Variants in RNF214 observed in about 807,000 individuals in gnomAD.
The protein encoded by RNF214 is ring finger protein 214.
A neutral mutation model predicts 75.9 loss-of-function variants in RNF214; 25 were observed. The ratio of observed to expected loss-of-function variants is 0.33; its 90% CI spans 0.24 to 0.46. RNF214 has a LOEUF of 0.46. RNF214 is among the 20% of genes least tolerant of loss of function. The pLI, the probability that RNF214 is intolerant of heterozygous loss-of-function variation, is 1.00. For missense variants in RNF214, 725 were observed against 857.5 expected, an observed-to-expected ratio of 0.85 and a Z score of 1.93; for synonymous variants, 314 against 308.8, an observed-to-expected ratio of 1.02 and a Z score of -0.18.
Position 117,238,636 on chromosome 11 carries a change from C to A in RNF214, c.143C>A (p.Pro48His). The stretch of plus-strand genomic sequence containing the variant: ...TCTGCACAGAAGCAGAAGAACTCGC[C>A]TCTGTTGAGTGTAAGTAGCCAAACA... ...KDSAQKQKNS[P>H]LLSVSSQTIT... Residue 48 changes from proline to histidine, a missense_variant, in exon 3 of 15, where the codon CCT becomes CAT. Around this residue, in one of 2 missense-constraint regions of RNF214, gnomAD observed 362 missense variants for 344.5 expected, o/e 1.05. Transcript: ENST00000300650. The A allele has an allele frequency of 6.2e-7, 1 of 1,614,018 alleles. No homozygotes were observed.
rs779301617 is a variant in RNF214 at position 117,283,243 on chromosome 11, C to T, written c.2046+33C>T. 3 of 1,371,954 alleles carry T rather than the reference C, an allele frequency of 2.2e-6. No individual in the cohort carries two copies. In the Admixed American group the frequency reaches 5.8e-5, roughly 26 times the overall value. 85.0% of individuals were successfully genotyped at this position (1,371,954 alleles called of 1,614,324 possible). ...TTACAGACCTTCCTCATTTTCTACA[C>T]TTTTTCTTCTGACAGCTAAAATAAT... is the stretch of plus-strand genomic sequence containing the variant. On this transcript the variant is annotated intron_variant, in intron 14 of 14. Coordinates refer to ENST00000300650, the MANE Select transcript of RNF214 (RefSeq NM_207343.4).
chr11:117,264,803 A>G (rs35155942), intron 6 of RNF214, among the ~76,000 whole-genome samples: 3 of 151,804 alleles, frequency 2.0e-5, no homozygotes, highest in Non-Finnish European at 4.4e-5. Flanking sequence ...GTGATTCATG[A>G]CTGTAATCTC....
At chr11:117,262,707 T>TTTTGTGTG (rs113477136) in intron 6 of RNF214, among the ~76,000 whole-genome samples, 7 of 147,762 alleles carry the variant, frequency 4.7e-5, no homozygotes, top group Admixed American at 1.4e-4. Flanking sequence ...TTGAGGAACG[T>TTTTGTGTG]TGTGTGTGTG....
intron 6 of RNF214, among the ~76,000 whole-genome samples, chr11:117,263,099 G>A (rs1296162308): frequency 1.3e-5 from 2 of 149,838 alleles, no homozygotes; most frequent in African/African-American, 2.5e-5. Flanking sequence ...GAGCCACTAC[G>A]CCCAGCCACT....
chr11:117,281,252 T>C (rs1426133752), intron 8 of RNF214, 62 bp from the exon 9 acceptor site: 1 of 1,164,584 alleles, frequency 8.6e-7, no homozygotes, highest in African/African-American at 1.5e-5. Flanking sequence ...ATTACAGGCG[T>C]GAGTCACTGT....
At chr11:117,261,409 A>G (rs887740915) in intron 6 of RNF214, among the ~76,000 whole-genome samples, 9 of 151,974 alleles carry the variant, frequency 5.9e-5, no homozygotes, top group East Asian at 1.9e-4. Context: ...GTGAAATCCC[A>G]TCTCTACCAA....
chr11:117,246,373 A>G (rs1487757016), intron 5 of RNF214, among the ~76,000 whole-genome samples: 1 of 152,218 alleles, frequency 6.6e-6, no homozygotes, highest in African/African-American at 2.4e-5. Context: ...GTTAAAGAGT[A>G]AAACAAACAA....
intron 6 of RNF214, among the ~76,000 whole-genome samples, chr11:117,270,873 G>A (rs1359003215): frequency 6.6e-6 from 1 of 152,066 alleles, no homozygotes; most frequent in African/African-American, 2.4e-5. Flanking sequence ...TTACAGGTGT[G>A]AGCCACCACA....
In RNF214 at chr11:117,281,115, T is replaced by C. The variant is rs576844332; in HGVS notation, c.1146-199T>C. Among the ~76,000 whole-genome samples the C allele has an allele frequency of 9.5e-4, 143 of 150,792 alleles. 1 individual carries two copies. The highest frequency in any genetic ancestry group is 3.2e-3 in the African/African-American group (133 of 41,098). The stretch of plus-strand genomic sequence containing the variant: ...TCAGCCTGCCAAGTAGCTGGGACTA[T>C]AGGCGTGAGCCACCACACCTGGCTA... On this transcript the variant is annotated intron_variant, in intron 8 of 14. Coordinates refer to ENST00000300650, the MANE Select transcript of RNF214 (RefSeq NM_207343.4).
chr11:117,252,442 G>A (rs2033418727), intron 6 of RNF214, among the ~76,000 whole-genome samples: 1 of 152,174 alleles, frequency 6.6e-6, no homozygotes, highest in South Asian at 2.1e-4. Flanking sequence ...TTGATAAGAT[G>A]TCTTATCTGT....
intron 2 of RNF214, among the ~76,000 whole-genome samples, chr11:117,235,922 C>G (rs2032894903): frequency 6.6e-6 from 1 of 151,872 alleles, no homozygotes; most frequent in African/African-American, 2.4e-5. Flanking sequence ...TGAATGTGGA[C>G]CACATTCTAC....
rs985654205 is a variant in RNF214 at position 117,239,312 on chromosome 11, C to T, written c.618+201C>T. 66 of 588,792 alleles carry T rather than the reference C, an allele frequency of 1.1e-4. 1 individual carries two copies. The East Asian group carries it at 1.7e-3, about 15-fold the overall frequency. The allele number at this position is 588,792 out of a possible 1,614,324, so 36.5% of individuals were successfully genotyped here. On this transcript the variant is annotated intron_variant, in intron 3 of 14. Transcript: ENST00000300650. ...TTCAGTAAATAAGAAAGCCAGTAGC[C>T]ATTGTCTAATCTTATGGCAAGTAGG...
intron 6 of RNF214, among the ~76,000 whole-genome samples, chr11:117,279,323 CTTTT>C (rs34196418): frequency 9.6e-6 from 1 of 104,356 alleles, no homozygotes; most frequent in Non-Finnish European, 1.9e-5. Flanking sequence ...GAGATACAAA[CTTTT>C]TTTTTTTTTT....
At position 117,238,714 on chromosome 11, in the gene RNF214, C is replaced by T. The variant is rs1160364445; in HGVS notation, c.221C>T (p.Pro74Leu). The change falls in exon 3 of 15, where the codon CCT (proline) becomes CTT (leucine). Residue 74 changes from proline to leucine, a missense_variant. Pro to Leu is a moderately conservative substitution (Grantham distance 98). This residue lies in a region of RNF214 where 362 missense variants were observed against 344.5 expected (regional missense o/e 1.05). Coordinates refer to ENST00000300650, the MANE Select transcript of RNF214 (RefSeq NM_207343.4). ...CATTTGGAGCACTCAGAGCAGAATCCTGGTTCATCAGCAGGTGACACCTCA... is the reference window on the plus strand; with the variant it reads ...CATTTGGAGCACTCAGAGCAGAATCTTGGTTCATCAGCAGGTGACACCTCA... The part of the protein sequence containing the change: ...NVHLEHSEQN[P>L]GSSAGDTSAA... 1 of 1,614,158 alleles carries T rather than the reference C, an allele frequency of 6.2e-7. No individual in the cohort carries two copies. The highest frequency in any genetic ancestry group is 8.5e-7 in the Non-Finnish European group (1 of 1,180,036).
chr11:117,256,162 T>C (rs1333194575), intron 6 of RNF214, among the ~76,000 whole-genome samples: 6 of 152,178 alleles, frequency 3.9e-5, no homozygotes, highest in South Asian at 2.1e-4. Flanking sequence ...CTGACTAATA[T>C]AGCTAATCCT....
intron 2 of RNF214, among the ~76,000 whole-genome samples, chr11:117,235,315 G>T (rs750812309): frequency 1.3e-5 from 2 of 150,796 alleles, no homozygotes; most frequent in Non-Finnish European, 3.0e-5. Flanking sequence ...TCCTGCCTCA[G>T]CCTCCCCAGT....
chr11:117,279,561 TC>T (rs1319029883), intron 6 of RNF214, among the ~76,000 whole-genome samples: 2 of 152,126 alleles, frequency 1.3e-5, no homozygotes, highest in Admixed American at 1.3e-4. Flanking sequence ...GGTCTCAAAC[TC>T]CTGATTTCAA....
chr11:117,240,539 T>G (rs752862184), intron 4 of RNF214, among the ~76,000 whole-genome samples: 12 of 150,534 alleles, frequency 8.0e-5, no homozygotes, highest in Non-Finnish European at 1.8e-4. Context: ...AATACAAAAA[T>G]TAGCCGGGCG....
chr11:117,239,662 C>A, intron 3 of RNF214, 139 bp from the exon 4 acceptor site: 1 of 656,636 alleles, frequency 1.5e-6, no homozygotes. Context: ...GCCAGAACTA[C>A]ATTGCTTAGC....
Sources: gnomAD v4.1 joint callset for allele counts (sites outside exome capture counted in the v4.1 genomes callset) on GRCh38, gnomAD v4.1.1 for gene constraint, gnomAD v4.1.1 regional missense constraint, MANE v1.5 for transcripts, NCBI Gene and HGNC (gene_info 2026-07-23, HGNC 2026-07-21) for gene names.